TIMMDC1: variants seen among roughly 807,000 people sequenced by gnomAD.
TIMMDC1 encodes translocase of inner mitochondrial membrane domain containing 1, also known as complex I assembly factor TIMMDC1, mitochondrial.
Under a neutral mutation model 32.6 loss-of-function variants are expected in TIMMDC1, and 25 were observed. That is an observed-to-expected ratio of 0.77 (90% CI 0.56 to 1.07). TIMMDC1 has a LOEUF of 1.07. Among genes scored for constraint, TIMMDC1 ranks in the 50% least tolerant of loss-of-function variants. The pLI is 0.00. For synonymous variants in TIMMDC1, 130 were observed against 127.6 expected (o/e 1.02, Z -0.13); for missense variants, 329 against 349.2 (o/e 0.94, Z 0.46).
At chr3:119,508,329 G>T (rs185478169) in intron 4 of TIMMDC1, among the ~76,000 whole-genome samples, 1 of 152,136 alleles carries the variant, frequency 6.6e-6, no homozygotes, top group Admixed American at 6.6e-5. Flanking sequence ...GCTTCTGCTC[G>T]TGGGTTTCTG....
At chr3:119,523,298 C>G (rs1039734128) in intron 6 of TIMMDC1, among the ~76,000 whole-genome samples, 1 of 152,140 alleles carries the variant, frequency 6.6e-6, no homozygotes, top group Non-Finnish European at 1.5e-5. Context: ...CACACCTTAG[C>G]ACAAAGTGTG....
At chr3:119,512,423 T>A (rs1203640263) in intron 4 of TIMMDC1, among the ~76,000 whole-genome samples, 1 of 151,586 alleles carries the variant, frequency 6.6e-6, no homozygotes, top group Non-Finnish European at 1.5e-5. Context: ...GGATTACAGG[T>A]GTGTGCCGCC....
chr3:119,524,344 G>GT lies in TIMMDC1; in HGVS notation c.*589dup, dbSNP rs79179279. 3 of 152,330 alleles carry GT rather than the reference G, an allele frequency of 2.0e-5. No homozygotes were observed. In the East Asian group the frequency reaches 5.8e-4, roughly 29 times the overall value. 9.4% of individuals were successfully genotyped at this position (152,330 alleles called of 1,614,324 possible). A position where few individuals can be genotyped will look rare whatever the true frequency, so the allele number is the denominator to read the frequency against. On this transcript the variant is annotated 3_prime_UTR_variant, in exon 7 of 7. Coordinates refer to ENST00000494664, the MANE Select transcript of TIMMDC1 (RefSeq NM_016589.4). ...TTCTTCCCTTAGTATTGCTGACAAAGTATCTGCTGTAGAATACAGGAATTA... is the reference window on the plus strand; with the variant it reads ...TTCTTCCCTTAGTATTGCTGACAAAGTTATCTGCTGTAGAATACAGGAATTA...
chr3:119,512,418 A>G (rs1577099727), intron 4 of TIMMDC1, among the ~76,000 whole-genome samples: 1 of 152,094 alleles, frequency 6.6e-6, no homozygotes, highest in East Asian at 1.9e-4. Flanking sequence ...AGCTAGGATT[A>G]CAGGTGTGTG....
chr3:119,519,913 T>G (rs2082013893), intron 6 of TIMMDC1, among the ~76,000 whole-genome samples: 1 of 152,146 alleles, frequency 6.6e-6, no homozygotes. Context: ...AAATATTTTT[T>G]CAGACCACAG....
At chr3:119,522,863 C>T (rs140219310) in intron 6 of TIMMDC1, among the ~76,000 whole-genome samples, 267 of 150,874 alleles carry the variant, frequency 1.8e-3, no homozygotes, top group African/African-American at 6.1e-3. Flanking sequence ...AGTTAATAAA[C>T]GTTTAAGTGT....
chr3:119,503,381 C>CT, intron 2 of TIMMDC1, 151 bp from the exon 3 acceptor site: 1 of 582,898 alleles, frequency 1.7e-6, no homozygotes, highest in Non-Finnish European at 2.9e-6. Context: ...AGCCTCAATA[C>CT]TTAAAGAATA....
At chr3:119,511,746 G>C (rs2081954407) in intron 4 of TIMMDC1, among the ~76,000 whole-genome samples, 1 of 152,182 alleles carries the variant, frequency 6.6e-6, no homozygotes, top group African/African-American at 2.4e-5. Context: ...CTCAGTTGAA[G>C]ACTGGACAAA....
chr3:119,516,704 C>T (rs142305168), intron 5 of TIMMDC1, among the ~76,000 whole-genome samples: 12 of 152,266 alleles, frequency 7.9e-5, no homozygotes, highest in East Asian at 3.9e-4. Flanking sequence ...GAGACAGTTA[C>T]GCCAGACTCT....
intron 4 of TIMMDC1, among the ~76,000 whole-genome samples, chr3:119,505,210 A>G (rs1022523420): frequency 6.6e-6 from 1 of 152,182 alleles, no homozygotes; most frequent in African/African-American, 2.4e-5. Flanking sequence ...GTTATACACC[A>G]TATGTGTACA....
chr3:119,514,607 A>G (rs2081973751), intron 5 of TIMMDC1, among the ~76,000 whole-genome samples: 1 of 152,232 alleles, frequency 6.6e-6, no homozygotes, highest in Non-Finnish European at 1.5e-5. Context: ...ACATAGGTGA[A>G]GTTGTATCCT....
At chr3:119,502,833 T>G (rs576181095) in intron 2 of TIMMDC1, among the ~76,000 whole-genome samples, 9 of 152,288 alleles carry the variant, frequency 5.9e-5, no homozygotes, top group African/African-American at 2.2e-4. Context: ...GTGCTGAGAT[T>G]ACAGGTGTGA....
rs771806181 is a variant in TIMMDC1 at position 119,500,773 on chromosome 3, T to TG, written c.278dup (p.Ile94AsnfsTer8). The stretch of plus-strand genomic sequence containing the variant: ...CAGCAGGCATCATTGGCTGGGTGTA[T>TG]GGGGGAATACCAGCTTTTATTCATG... On this transcript the variant is annotated frameshift_variant, in exon 2 of 7. Transcript: ENST00000494664. LOFTEE classifies it high-confidence loss of function. 6.2e-7 allele frequency: 1 copy of TG among 1,614,128 alleles called. No individual in the cohort carries two copies. The highest frequency in any genetic ancestry group is 1.7e-5 in the Admixed American group (1 of 60,006).
At position 119,499,454 on chromosome 3, in the gene TIMMDC1, A is replaced by G. The variant is rs1191920348; in HGVS notation, c.194+527A>G. On this transcript the variant is annotated intron_variant, in intron 1 of 6. Transcript: ENST00000494664. Reference sequence around the variant, plus strand: ...TTTTTTCGAGACTGAGTCGCGCTCTATCGCCCAGGCTGGAGTGCAGTGGTG... The same window carrying G: ...TTTTTTCGAGACTGAGTCGCGCTCTGTCGCCCAGGCTGGAGTGCAGTGGTG... Among the ~76,000 whole-genome samples, 84 of 109,126 alleles carry G rather than the reference A, an allele frequency of 7.7e-4. No individual in the cohort carries two copies. The Middle Eastern group carries it at 0.028, about 36-fold the overall frequency. 71.6% of individuals were successfully genotyped at this position (109,126 alleles called of 152,430 possible). A position where few individuals can be genotyped will look rare whatever the true frequency, so the allele number is the denominator to read the frequency against.
chr3:119,520,014 G>A (rs58843212), intron 6 of TIMMDC1, among the ~76,000 whole-genome samples: 22,871 of 151,780 alleles, frequency 0.15, 4,498 homozygotes, highest in African/African-American at 0.46. Context: ...ACAACCAATA[G>A]GTCAATGAAA....
At chr3:119,498,984 G>T in intron 1 of TIMMDC1, 57 bp downstream of exon 1, 1 of 1,545,882 alleles carries the variant, frequency 6.5e-7, no homozygotes, top group Non-Finnish European at 8.9e-7. Context: ...GTGTCCTGCA[G>T]CGTGGGCAGC....
At position 119,523,847 on chromosome 3, in the gene TIMMDC1, G is replaced by C. The variant is rs1454655150; in HGVS notation, c.*91G>C. On this transcript the variant is annotated 3_prime_UTR_variant, in exon 7 of 7. Coordinates refer to ENST00000494664, the MANE Select transcript of TIMMDC1 (RefSeq NM_016589.4). The stretch of plus-strand genomic sequence containing the variant: ...AGACAGGCCACTCTTTGGTCAGCCT[G>C]CTGACAAATTTAAGTGCTGGTACCT... 7.5e-7 allele frequency: 1 copy of C among 1,339,016 alleles called. No individual in the cohort carries two copies. Among genetic ancestry groups the C allele is most frequent in the Non-Finnish European group, 9.9e-7 (1 of 1,010,312 alleles). 82.9% of individuals were successfully genotyped at this position (1,339,016 alleles called of 1,614,324 possible). A position where few individuals can be genotyped will look rare whatever the true frequency, so the allele number is the denominator to read the frequency against.
chr3:119,522,646 A>G (rs1424563874), intron 6 of TIMMDC1, among the ~76,000 whole-genome samples: 1 of 152,226 alleles, frequency 6.6e-6, no homozygotes, highest in Non-Finnish European at 1.5e-5. Context: ...TACACATTGT[A>G]TATGTACAAA....
At chr3:119,508,002 C>G (rs1048498232) in intron 4 of TIMMDC1, among the ~76,000 whole-genome samples, 1 of 152,144 alleles carries the variant, frequency 6.6e-6, no homozygotes, top group Non-Finnish European at 1.5e-5. Flanking sequence ...TGGATATTCC[C>G]CAGGCTGGTT....
Sources: allele counts gnomAD v4.1 joint callset (sites outside exome capture counted in the v4.1 genomes callset), GRCh38; gene constraint gnomAD v4.1.1; transcripts MANE v1.5; gene names NCBI Gene and HGNC (gene_info 2026-07-23, HGNC 2026-07-21).